Variants in TMPRSS15 observed in about 807,000 individuals in gnomAD.
TMPRSS15 encodes enteropeptidase.
TMPRSS15 carries 128 observed loss-of-function variants against 125.3 expected under a neutral mutation model. That is an observed-to-expected ratio of 1.02 (90% confidence interval 0.89 to 1.18). The LOEUF (loss-of-function observed/expected upper bound fraction) is 1.18. Among genes scored for constraint, TMPRSS15 ranks in the 50% most tolerant of loss-of-function variants. The pLI, the probability that TMPRSS15 is intolerant of heterozygous loss-of-function variation, is 0.00. For missense variants in TMPRSS15, 1,283 were observed against 1,212.7 expected (o/e 1.06, Z -0.86); for synonymous variants, 446 against 423.2 (o/e 1.05, Z -0.66).
intron 8 of TMPRSS15, 142 bp from the exon 9 acceptor site, chr21:18,354,005 G>T: frequency 4.3e-6 from 3 of 692,566 alleles, no homozygotes; most frequent in South Asian, 2.0e-5. Context: ...TTAACTAAAA[G>T]CATTAGTCTT....
chr21:18,296,625 A>T (rs901270338), intron 19 of TMPRSS15, among the ~76,000 whole-genome samples: 3 of 152,188 alleles, frequency 2.0e-5, no homozygotes, highest in Admixed American at 6.5e-5. Flanking sequence ...ATTTTAAATA[A>T]TTTTTTCTTA....
At chr21:18,381,076 A>G (rs1370282233) in intron 4 of TMPRSS15, among the ~76,000 whole-genome samples, 1 of 152,134 alleles carries the variant, frequency 6.6e-6, no homozygotes, top group African/African-American at 2.4e-5. Flanking sequence ...AAACTTTAAC[A>G]TGTTTGATAG....
intron 1 of TMPRSS15, among the ~76,000 whole-genome samples, chr21:18,459,751 T>C (rs1378877376): frequency 6.6e-6 from 1 of 152,206 alleles, no homozygotes; most frequent in Admixed American, 6.5e-5. Flanking sequence ...ATGGGAATTG[T>C]TTTAAATATA....
chr21:18,351,038 C>A (rs544145771), intron 10 of TMPRSS15, among the ~76,000 whole-genome samples: 8 of 151,976 alleles, frequency 5.3e-5, no homozygotes, highest in African/African-American at 1.9e-4. Flanking sequence ...CTAGGGATAT[C>A]ATTCTCTAAA....
intron 21 of TMPRSS15, among the ~76,000 whole-genome samples, chr21:18,288,036 G>T (rs1056700351): frequency 6.6e-6 from 1 of 152,128 alleles, no homozygotes; most frequent in African/African-American, 2.4e-5. Context: ...CTGCATTTGT[G>T]TGTTTATAAC....
intron 14 of TMPRSS15, among the ~76,000 whole-genome samples, chr21:18,331,217 G>A (rs2075342601): frequency 6.6e-6 from 1 of 152,134 alleles, no homozygotes; most frequent in Non-Finnish European, 1.5e-5. Flanking sequence ...ACCTATGAAA[G>A]TGATGCTCTC....
rs1222776041 is a variant in TMPRSS15 at position 18,269,595 on chromosome 21, TTTTC to T, written c.*370_*373del. 1 of 160,388 alleles carries T rather than the reference TTTTC, an allele frequency of 6.2e-6. No homozygotes were observed. The highest frequency in any genetic ancestry group is 2.4e-5 in the African/African-American group (1 of 41,530). The allele number at this position is 160,388 out of a possible 1,614,324, so 9.9% of individuals were successfully genotyped here. A position where few individuals can be genotyped will look rare whatever the true frequency, so the allele number is the denominator to read the frequency against. ...GACATACTTTGGGAAAAACAATTTA[TTTTC>T]TTTCTTTTTTAAATTCTGCTCAAAT... On this transcript the variant is annotated 3_prime_UTR_variant, in exon 25 of 25. Transcript: ENST00000284885.
intron 18 of TMPRSS15, among the ~76,000 whole-genome samples, chr21:18,301,828 A>G (rs2074976591): frequency 1.3e-5 from 2 of 152,176 alleles, no homozygotes; most frequent in Admixed American, 6.5e-5. Context: ...TATAACCTCA[A>G]AGAGCTCTCC....
intron 18 of TMPRSS15, among the ~76,000 whole-genome samples, chr21:18,301,539 C>A (rs2074973542): frequency 6.6e-6 from 1 of 152,144 alleles, no homozygotes; most frequent in African/African-American, 2.4e-5. Context: ...TAAGCACGCA[C>A]CTGAGGCTCT....
intron 10 of TMPRSS15, among the ~76,000 whole-genome samples, chr21:18,349,988 C>T (rs935823914): frequency 6.6e-6 from 1 of 152,006 alleles, no homozygotes; most frequent in Non-Finnish European, 1.5e-5. Context: ...AGATTTCAAC[C>T]ACATAAAAGG....
intron 1 of TMPRSS15, among the ~76,000 whole-genome samples, chr21:18,427,807 A>G (rs1601459332): frequency 6.6e-6 from 1 of 151,822 alleles, no homozygotes; most frequent in East Asian, 1.9e-4. Context: ...ATAAGGCAAA[A>G]GAATTTTCCA....
At chr21:18,394,992 C>T (rs904527897) in intron 3 of TMPRSS15, among the ~76,000 whole-genome samples, 6 of 152,160 alleles carry the variant, frequency 3.9e-5, no homozygotes, top group African/African-American at 1.4e-4. Context: ...AACTTAGGTA[C>T]TGTTTACCCT....
chr21:18,331,070 C>T (rs1302625112), intron 14 of TMPRSS15, among the ~76,000 whole-genome samples: 1 of 72,508 alleles, frequency 1.4e-5, no homozygotes, highest in Admixed American at 1.5e-4. Flanking sequence ...GAGACTCCAT[C>T]TCAAAAAAAA....
chr21:18,284,232 A>AG (rs2074736724), intron 21 of TMPRSS15, among the ~76,000 whole-genome samples: 1 of 152,120 alleles, frequency 6.6e-6, no homozygotes, highest in African/African-American at 2.4e-5. Context: ...CCCCACCACA[A>AG]AACCAACACT....
chr21:18,273,635 T>C (rs750960379), intron 24 of TMPRSS15, among the ~76,000 whole-genome samples: 1 of 152,202 alleles, frequency 6.6e-6, no homozygotes, highest in Admixed American at 6.5e-5. Context: ...GTGCGTGAGG[T>C]GTCTGCCACA....
chr21:18,304,170 C>T (rs567595166), intron 18 of TMPRSS15, among the ~76,000 whole-genome samples: 12 of 152,160 alleles, frequency 7.9e-5, no homozygotes, highest in Admixed American at 1.3e-4. Context: ...AGTCAAAGTA[C>T]GCTAGGACAA....
In TMPRSS15 at chr21:18,270,046, A is replaced by C. The variant is rs764022187; in HGVS notation, c.2983T>G (p.Cys995Gly). ...ACTCCGGGGCGATTAGGCAGGGCAC[A>C]CTTGTATCCAAATGAGGTCACACCA... ...LAGVTSFGYKCALPNRPGVYA... is the reference protein window; with the variant it reads ...LAGVTSFGYKGALPNRPGVYA... The change falls in exon 25 of 25, where the codon TGT becomes GGT. Residue 995 changes from cysteine (C) to glycine (G), a missense_variant. By Grantham distance (159) the Cys-to-Gly change is radical. Coordinates refer to ENST00000284885, the MANE Select transcript of TMPRSS15 (RefSeq NM_002772.3). The C allele has an allele frequency of 8.1e-6, 13 of 1,613,992 alleles. No individual in the cohort carries two copies. The South Asian group carries it at 1.3e-4, about 16-fold the overall frequency.
intron 5 of TMPRSS15, among the ~76,000 whole-genome samples, 189 bp downstream of exon 5, chr21:18,379,094 C>T (rs986712181): frequency 3.3e-5 from 5 of 151,978 alleles, no homozygotes; most frequent in African/African-American, 1.2e-4. Context: ...AGGCATTAGC[C>T]CTAAATATGT....
chr21:18,337,178 G>A (rs2075400792), intron 13 of TMPRSS15, among the ~76,000 whole-genome samples: 1 of 152,162 alleles, frequency 6.6e-6, no homozygotes, highest in East Asian at 1.9e-4. Context: ...ACAGGTGTGA[G>A]GTACTGCACC....
Sources: gnomAD v4.1 joint callset for allele counts (sites outside exome capture counted in the v4.1 genomes callset) on GRCh38, gnomAD v4.1.1 for gene constraint, MANE v1.5 for transcripts, NCBI Gene and HGNC (gene_info 2026-07-23, HGNC 2026-07-21) for gene names.